Variants in BCAS3 observed in about 807,000 individuals in gnomAD.
BCAS3 encodes BCAS3 microtubule associated cell migration factor, also known as BCAS4/BCAS3 fusion.
A neutral mutation model predicts 116.1 loss-of-function variants in BCAS3; 53 were observed. The observed-to-expected ratio is 0.46, with a 90% CI of 0.37 to 0.57. The LOEUF is 0.57. Among genes scored for constraint, BCAS3 ranks in the 20% least tolerant of loss-of-function variants. The probability of loss-of-function intolerance (pLI) is 0.00; values close to 1 mark genes in which losing one functional copy is unlikely to be tolerated. For missense variants in BCAS3, 917 were observed against 1,165.4 expected, an observed-to-expected ratio of 0.79 and a Z score of 3.10; for synonymous variants, 391 against 408.2, an observed-to-expected ratio of 0.96 and a Z score of 0.51.
intron 14 of BCAS3, among the ~76,000 whole-genome samples, chr17:60,948,876 CT>C (rs773939823): frequency 1.8e-3 from 266 of 143,800 alleles, no homozygotes; most frequent in South Asian, 5.1e-3. Context: ...TTGAAATATT[CT>C]TTTTTTTTTT....
At chr17:61,002,805 A>G (rs2064344092) in intron 15 of BCAS3, 1 of 152,072 alleles carries the variant, frequency 6.6e-6, no homozygotes, top group Non-Finnish European at 1.5e-5. Context: ...TGTATACTTT[A>G]TAATATCAGA....
Position 61,078,320 on chromosome 17 carries a change from T to C in BCAS3, c.2131-13T>C, listed in dbSNP as rs1339433284. On this transcript the variant is annotated splice_polypyrimidine_tract_variant and intron_variant, in intron 20 of 23. Transcript: ENST00000407086. ...CACAAACCATTTAAATCATCATTGCTACTCCATTCCAGGTTGAAATTGTAA... is the reference window on the plus strand; with the variant it reads ...CACAAACCATTTAAATCATCATTGCCACTCCATTCCAGGTTGAAATTGTAA... The C allele has an allele frequency of 1.2e-6, 2 of 1,604,708 alleles. No homozygotes were observed. Among genetic ancestry groups the C allele is most frequent in the East Asian group, 2.2e-5 (1 of 44,820 alleles).
intron 22 of BCAS3, among the ~76,000 whole-genome samples, chr17:61,274,449 T>C (rs35482584): frequency 0.18 from 27,400 of 151,666 alleles, 4,129 homozygotes; most frequent in African/African-American, 0.42. Context: ...CCACCACACC[T>C]GCCTAATTTT....
At chr17:61,025,318 A>G (rs926411100) in intron 16 of BCAS3, among the ~76,000 whole-genome samples, 7 of 152,152 alleles carry the variant, frequency 4.6e-5, no homozygotes, top group East Asian at 1.9e-4. Context: ...TAAAAGTGCA[A>G]TTCTGCCACT....
At position 60,709,217 on chromosome 17, in the gene BCAS3, A is replaced by G. The variant is rs375179010; in HGVS notation, c.215-2A>G. Reference sequence around the variant, plus strand: ...CTTCTTTGTTACTTAATTCTAATGCAGATACATCAAGAAATCTGGAATTTC... The same window carrying G: ...CTTCTTTGTTACTTAATTCTAATGCGGATACATCAAGAAATCTGGAATTTC... On this transcript the variant is annotated splice_acceptor_variant, in intron 4 of 23. Transcript: ENST00000407086. LOFTEE classifies it high-confidence loss of function. 1 of 1,435,762 alleles carries G rather than the reference A, an allele frequency of 7.0e-7. No individual in the cohort carries two copies. The highest frequency in any genetic ancestry group is 1.4e-5 in the African/African-American group (1 of 72,830). 88.9% of individuals were successfully genotyped at this position (1,435,762 alleles called of 1,614,324 possible).
At chr17:60,972,013 G>A (rs1415378817) in intron 14 of BCAS3, among the ~76,000 whole-genome samples, 1 of 152,204 alleles carries the variant, frequency 6.6e-6, no homozygotes, top group Non-Finnish European at 1.5e-5. Context: ...CAGCCATTAA[G>A]TCTTTACCTA....
rs78010010 is a variant in BCAS3 at position 61,367,737 on chromosome 17, G to A, written c.2426-590G>A. 1.3e-5 allele frequency: 2 copies of A among 152,158 alleles called. No individual in the cohort carries two copies. The highest frequency in any genetic ancestry group is 1.3e-4 in the Admixed American group (2 of 15,274). The allele number at this position is 152,158 out of a possible 1,614,324, so 9.4% of individuals were successfully genotyped here. A position where few individuals can be genotyped will look rare whatever the true frequency, so the allele number is the denominator to read the frequency against. ...ATGAGGAAGTTGGTTATAGGTTATA[G>A]AATATAATGGTTAAGAAAGCTTTAA... On this transcript the variant is annotated intron_variant, in intron 22 of 23. Coordinates refer to ENST00000407086, the MANE Select transcript of BCAS3 (RefSeq NM_017679.5). The surrounding 1 kb of genome is among the most constrained non-coding windows in gnomAD (Gnocchi z 6.2).
Position 60,952,343 on chromosome 17 carries a change from A to G in BCAS3, c.1221+4991A>G, listed in dbSNP as rs572416319. ...AACTTTTTTTTTTTTCTTTTGAGAC[A>G]GAGTCTTGCTCTGTTGCCCAGGCTG... On this transcript the variant is annotated intron_variant, in intron 14 of 23. Transcript: ENST00000407086. Among the ~76,000 whole-genome samples, 44 of 151,490 alleles carry G rather than the reference A, an allele frequency of 2.9e-4. No homozygotes were observed. In the South Asian group the frequency reaches 8.6e-3, roughly 29 times the overall value.
At position 61,205,634 on chromosome 17, in the gene BCAS3, C is replaced by A. The variant is rs1440006999; in HGVS notation, c.2425+121070C>A. ...CATGCTGTAGCGCCTCCTAACCCTG[C>A]CGTTGGTCTGGAGTGAAGCAGAGCA... On this transcript the variant is annotated intron_variant, in intron 22 of 23. Transcript: ENST00000407086. The surrounding 1 kb of genome is among the most constrained non-coding windows in gnomAD (Gnocchi z 5.2). 6.6e-6 allele frequency among the ~76,000 whole-genome samples: 1 copy of A among 152,198 alleles called. No individual in the cohort carries two copies. Among genetic ancestry groups the A allele is most frequent in the Non-Finnish European group, 1.5e-5 (1 of 68,022 alleles).
chr17:61,311,195 C>G (rs1366567975), intron 22 of BCAS3, among the ~76,000 whole-genome samples: 1 of 152,112 alleles, frequency 6.6e-6, no homozygotes, highest in African/African-American at 2.4e-5. Context: ...GTGAATGTGC[C>G]TAAATGTGAT....
In BCAS3 at chr17:61,300,692, G is replaced by GA. The variant is rs1488661895; in HGVS notation, c.2426-67631dup. On this transcript the variant is annotated intron_variant, in intron 22 of 23. Transcript: ENST00000407086. This position sits in a 1 kb window ranked among gnomAD's most constrained non-coding sequence, Gnocchi z 5.1. ...ACTCTCTGCATTAGCTGAAAATAGGGAAAAGAATACCTTTTTTTCCCTCAT... is the reference window on the plus strand; with the variant it reads ...ACTCTCTGCATTAGCTGAAAATAGGGAAAAAGAATACCTTTTTTTCCCTCAT... Among the ~76,000 whole-genome samples, 1 of 152,198 alleles carries GA rather than the reference G, an allele frequency of 6.6e-6. No individual in the cohort carries two copies. The highest frequency in any genetic ancestry group is 1.5e-5 in the Non-Finnish European group (1 of 68,036).
At chr17:61,254,650 G>T (rs572156007) in intron 22 of BCAS3, among the ~76,000 whole-genome samples, 1 of 151,532 alleles carries the variant, frequency 6.6e-6, no homozygotes, top group Non-Finnish European at 1.5e-5. Flanking sequence ...GGTGGTGGGC[G>T]CCTGTAGTCC....
chr17:61,109,146 A>G (rs2074881726), intron 22 of BCAS3, among the ~76,000 whole-genome samples: 1 of 149,686 alleles, frequency 6.7e-6, no homozygotes, highest in Non-Finnish European at 1.5e-5. Flanking sequence ...AGATCACACC[A>G]CTGCACTCCA....
At chr17:60,690,525 G>A (rs572310303) in intron 4 of BCAS3, among the ~76,000 whole-genome samples, 42 of 151,592 alleles carry the variant, frequency 2.8e-4, no homozygotes, top group African/African-American at 1.0e-3. Flanking sequence ...AGCCGAGATC[G>A]TGCCACTGCA....
chr17:61,094,680 A>G (rs1165594398), intron 22 of BCAS3, among the ~76,000 whole-genome samples: 1 of 152,178 alleles, frequency 6.6e-6, no homozygotes, highest in African/African-American at 2.4e-5. Context: ...CCCTGTCTCT[A>G]CTAAATACAA....
In BCAS3 at chr17:61,029,951, A is replaced by C. The variant is rs759916971; in HGVS notation, c.1638-4715A>C. On this transcript the variant is annotated intron_variant, in intron 16 of 23. Transcript: ENST00000407086. The surrounding 1 kb of genome is among the most constrained non-coding windows in gnomAD (Gnocchi z 5.2). ...ACACAAATCTGTTAGACCTTTAAGA[A>C]AAATTTATGACAGAATAGAATAATT... Among the ~76,000 whole-genome samples, 17 of 152,034 alleles carry C rather than the reference A, an allele frequency of 1.1e-4. No individual in the cohort carries two copies. The highest frequency in any genetic ancestry group is 1.8e-4 in the Non-Finnish European group (12 of 67,948).
chr17:61,167,707 G>C (rs1174880783), intron 22 of BCAS3, among the ~76,000 whole-genome samples: 1 of 152,184 alleles, frequency 6.6e-6, no homozygotes, highest in Non-Finnish European at 1.5e-5. Context: ...TACATATGCT[G>C]TGGGAGCCCA....
rs2064804498 is a variant in BCAS3 at position 61,007,582 on chromosome 17, C to T, written c.1487-8169C>T. The stretch of plus-strand genomic sequence containing the variant: ...ATAAATATATACAGTTTCAATTCTC[C>T]TGAAAGTACACTTTTAATTCTAGTG... On this transcript the variant is annotated intron_variant, in intron 15 of 23. Transcript: ENST00000407086. This position sits in a 1 kb window ranked among gnomAD's most constrained non-coding sequence, Gnocchi z 4.3. 6.6e-6 allele frequency among the ~76,000 whole-genome samples: 1 copy of T among 151,928 alleles called. No individual in the cohort carries two copies. The highest frequency in any genetic ancestry group is 3.4e-3 in the Middle Eastern group (1 of 294).
At chr17:60,731,369 C>T (rs1302059291) in intron 5 of BCAS3, among the ~76,000 whole-genome samples, 4 of 152,112 alleles carry the variant, frequency 2.6e-5, no homozygotes, top group African/African-American at 9.7e-5. Flanking sequence ...TGCGCCATTA[C>T]GCCCAGCTAA....
Sources: allele counts gnomAD v4.1 joint callset (sites outside exome capture counted in the v4.1 genomes callset), GRCh38; gene constraint gnomAD v4.1.1; non-coding constraint Gnocchi (gnomAD v3.1); transcripts MANE v1.5; gene names NCBI Gene and HGNC (gene_info 2026-07-23, HGNC 2026-07-21).